GPC5: variants seen among roughly 807,000 people sequenced by gnomAD.
GPC5 encodes the protein glypican-5.
Under a neutral mutation model 53.9 loss-of-function variants are expected in GPC5, and 47 were observed. That is an observed-to-expected ratio of 0.87 (90% CI 0.69 to 1.11). The LOEUF is 1.11. Ranked by LOEUF, GPC5 falls within the 50% of genes most tolerant of loss-of-function variation. The pLI is 0.00. For synonymous variants in GPC5, 286 were observed against 263.3 expected (o/e 1.09, Z -0.84); for missense variants, 748 against 713.1 (o/e 1.05, Z -0.56).
chr13:92,122,362 C>T (rs754154050), intron 6 of GPC5, among the ~76,000 whole-genome samples: 76 of 151,538 alleles, frequency 5.0e-4, no homozygotes, highest in Non-Finnish European at 1.6e-4. Flanking sequence ...CTCAGATGTC[C>T]GAAACTTCTG....
At chr13:92,026,833 A>C (rs2040804939) in intron 6 of GPC5, among the ~76,000 whole-genome samples, 1 of 152,150 alleles carries the variant, frequency 6.6e-6, no homozygotes, top group Non-Finnish European at 1.5e-5. Flanking sequence ...GTCCATAACA[A>C]AGATTCCTTC....
At position 91,730,498 on chromosome 13, in the gene GPC5, C is replaced by A. The variant is rs573977922; in HGVS notation, c.1154+1833C>A. On this transcript the variant is annotated intron_variant, in intron 4 of 7. Transcript: ENST00000377067. ...CTGGCAGATCAGGTAGTACTTAGTT[C>A]TTCACGGCAATCTCAGGTTGCACGG... 1.6e-3 allele frequency among the ~76,000 whole-genome samples: 239 copies of A among 152,216 alleles called. 1 individual carries two copies. The highest frequency in any genetic ancestry group is 1.4e-3 in the Non-Finnish European group (95 of 68,022).
chr13:91,976,130 G>A (rs983325468), intron 6 of GPC5, among the ~76,000 whole-genome samples: 1 of 152,134 alleles, frequency 6.6e-6, no homozygotes, highest in Non-Finnish European at 1.5e-5. Flanking sequence ...ATGGGGTTGG[G>A]GGAGGGGGAA....
At chr13:91,568,661 T>C (rs1422721513) in intron 2 of GPC5, among the ~76,000 whole-genome samples, 1 of 152,074 alleles carries the variant, frequency 6.6e-6, no homozygotes, top group Non-Finnish European at 1.5e-5. Flanking sequence ...CTAGGTTTGT[T>C]AATGATCAAT....
intron 6 of GPC5, among the ~76,000 whole-genome samples, chr13:92,135,136 C>A (rs960075511): frequency 1.1e-4 from 17 of 152,018 alleles, no homozygotes; most frequent in Non-Finnish European, 5.9e-5. Context: ...TGTCATTGAT[C>A]TTCTGAATCT....
intron 6 of GPC5, among the ~76,000 whole-genome samples, chr13:91,936,746 TAGAA>T (rs2039875153): frequency 6.6e-6 from 1 of 151,726 alleles, no homozygotes; most frequent in South Asian, 2.1e-4. Context: ...AGAAAATAGA[TAGAA>T]AGGAACAAAT....
chr13:92,286,915 A>G lies in GPC5; in HGVS notation c.1561+141926A>G, dbSNP rs73629649. On this transcript the variant is annotated intron_variant, in intron 7 of 7. Coordinates refer to ENST00000377067, the MANE Select transcript of GPC5 (RefSeq NM_004466.6). ...TATCACTAGTAAAAAAGAAAAAAATATGGCATGAAAATACACGGAAGAAAA... is the reference window on the plus strand; with the variant it reads ...TATCACTAGTAAAAAAGAAAAAAATGTGGCATGAAAATACACGGAAGAAAA... Among the ~76,000 whole-genome samples the G allele has an allele frequency of 9.4e-3, 1,437 of 152,260 alleles. 18 individuals carry two copies. The highest frequency in any genetic ancestry group is 0.033 in the African/African-American group (1,352 of 41,560).
Position 92,528,063 on chromosome 13 carries a change from G to A in GPC5, c.1562-338219G>A, listed in dbSNP as rs548558521. On this transcript the variant is annotated intron_variant, in intron 7 of 7. Transcript: ENST00000377067. ...TGTGAAACTTAGGAAAAAAATGATT[G>A]AAATATCTGTCTATTCCAAAAATGC... Among the ~76,000 whole-genome samples, 6 of 152,126 alleles carry A rather than the reference G, an allele frequency of 3.9e-5. No homozygotes were observed. The South Asian group carries it at 8.3e-4, about 21-fold the overall frequency.
At chr13:92,202,524 G>A (rs1165631718) in intron 7 of GPC5, among the ~76,000 whole-genome samples, 1 of 152,152 alleles carries the variant, frequency 6.6e-6, no homozygotes, top group African/African-American at 2.4e-5. Flanking sequence ...ACCAAACGTT[G>A]TAACTAGAAC....
chr13:91,656,633 G>A (rs1438534139), intron 2 of GPC5, among the ~76,000 whole-genome samples: 1 of 152,150 alleles, frequency 6.6e-6, no homozygotes, highest in African/African-American at 2.4e-5. Flanking sequence ...CAGTTGTTTG[G>A]TGAAGACCCA....
At chr13:92,320,792 C>T (rs188454530) in intron 7 of GPC5, among the ~76,000 whole-genome samples, 72 of 152,108 alleles carry the variant, frequency 4.7e-4, no homozygotes, top group Non-Finnish European at 9.3e-4. Flanking sequence ...TGAACTTACA[C>T]GAAGTTGTTT....
chr13:91,930,598 T>A (rs2039812175), intron 6 of GPC5, among the ~76,000 whole-genome samples: 1 of 151,914 alleles, frequency 6.6e-6, no homozygotes, highest in Non-Finnish European at 1.5e-5. Context: ...CAAAAAAAAA[T>A]GACAGTTTTA....
chr13:92,501,077 T>G (rs1336800581), intron 7 of GPC5, among the ~76,000 whole-genome samples: 1 of 152,058 alleles, frequency 6.6e-6, no homozygotes, highest in Non-Finnish European at 1.5e-5. Flanking sequence ...AAATGAAACC[T>G]TACCTCACAT....
At chr13:92,040,123 C>A (rs1335743563) in intron 6 of GPC5, among the ~76,000 whole-genome samples, 2 of 152,086 alleles carry the variant, frequency 1.3e-5, no homozygotes, top group Non-Finnish European at 2.9e-5. Context: ...ACAACATAAT[C>A]CTCAAATAAC....
At chr13:92,517,619 T>TC (rs1178892856) in intron 7 of GPC5, among the ~76,000 whole-genome samples, 1 of 152,038 alleles carries the variant, frequency 6.6e-6, no homozygotes, top group East Asian at 1.9e-4. Flanking sequence ...CAGCTGAGGG[T>TC]CTGACTGTTA....
At chr13:92,156,207 C>T (rs1356909454) in intron 7 of GPC5, among the ~76,000 whole-genome samples, 1 of 151,620 alleles carries the variant, frequency 6.6e-6, no homozygotes, top group Non-Finnish European at 1.5e-5. Flanking sequence ...ATTTTTTTTC[C>T]ACTTTCAGCA....
intron 2 of GPC5, among the ~76,000 whole-genome samples, chr13:91,522,987 C>T (rs755239854): frequency 1.2e-4 from 19 of 152,022 alleles, no homozygotes; most frequent in South Asian, 2.1e-4. Flanking sequence ...ATGAGCTGCA[C>T]GCTCTTTTTC....
chr13:92,692,349 G>A (rs1020258682), intron 7 of GPC5, among the ~76,000 whole-genome samples: 1 of 151,998 alleles, frequency 6.6e-6, no homozygotes, highest in African/African-American at 2.4e-5. Flanking sequence ...AGGTGCAAAT[G>A]TCTTTTGGTA....
intron 7 of GPC5, among the ~76,000 whole-genome samples, chr13:92,210,755 C>T (rs1171729030): frequency 6.6e-6 from 1 of 152,138 alleles, no homozygotes; most frequent in Non-Finnish European, 1.5e-5. Flanking sequence ...AGCTCTGAGT[C>T]ATGCTAGAAA....
Sources: gnomAD v4.1 joint callset for allele counts (sites outside exome capture counted in the v4.1 genomes callset) on GRCh38, gnomAD v4.1.1 for gene constraint, MANE v1.5 for transcripts, NCBI Gene and HGNC (gene_info 2026-07-23, HGNC 2026-07-21) for gene names.